TPRX1: variants seen among roughly 807,000 people sequenced by gnomAD.
TPRX1 encodes the protein tetra-peptide repeat homeobox protein 1.
A neutral mutation model predicts 8.1 loss-of-function variants in TPRX1; 2 were observed. The ratio of observed to expected loss-of-function variants is 0.25; its 90% CI spans 0.10 to 0.78. The LOEUF (loss-of-function observed/expected upper bound fraction) is 0.78. Ranked by LOEUF, TPRX1 falls within the 30% of genes least tolerant of loss-of-function variation. The pLI is 0.70. For missense variants in TPRX1, 517 were observed against 586.9 expected (o/e 0.88, Z 1.23); for synonymous variants, 257 against 254.1 (o/e 1.01, Z -0.11).
intron 2 of TPRX1, among the ~76,000 whole-genome samples, chr19:47,816,564 A>G (rs1333028828): frequency 1.0e-4 from 13 of 125,238 alleles, no homozygotes; most frequent in Non-Finnish European, 1.6e-5. Context: ...ATGGAGTCTC[A>G]CGCCGTCGCC....
rs1244244700 is a variant in TPRX1, at chr19:47,802,708, G to A, written c.594C>T (p.Ala198=). ...GGATCTGGGCTGGGCCTGGGATTGG[G>A]GCAGGGATCGGGCCAGGGCCTGGAC... Residue 198 remains alanine (A), a synonymous_variant, in exon 4 of 4, where the codon GCC becomes GCT. Transcript: ENST00000535759. 45 of 1,587,270 alleles carry A rather than the reference G, an allele frequency of 2.8e-5. 1 individual carries two copies. In the South Asian group the frequency reaches 4.9e-4, roughly 17 times the overall value.
chr19:47,802,309 C>CGGGCCTGAGATT, exon 4 of TPRX1: 3 of 1,210,894 alleles, frequency 2.5e-6, no homozygotes, highest in Non-Finnish European at 2.2e-6. Flanking sequence ...GGCCTGGGTT[C>CGGGCCTGAGATT]GGGCCTGAGA....
chr19:47,802,505 C>A, exon 4 of TPRX1: 1 of 1,540,702 alleles, frequency 6.5e-7, no homozygotes, highest in South Asian at 1.2e-5. Flanking sequence ...TGAGAATGGG[C>A]CTGAGATTGG....
chr19:47,801,757 T>C (rs920445721), exon 4 of TPRX1: 1 of 1,595,170 alleles, frequency 6.3e-7, no homozygotes, highest in African/African-American at 1.3e-5. Flanking sequence ...TCTGAAGAAC[T>C]TTGCAGGCAC....
At chr19:47,815,864 T>C (rs1307210378) in intron 2 of TPRX1, among the ~76,000 whole-genome samples, 1 of 151,748 alleles carries the variant, frequency 6.6e-6, no homozygotes, top group Non-Finnish European at 1.5e-5. Context: ...GCAATAGATA[T>C]ATAGTCAATA....
At chr19:47,809,643 C>T (rs1267476103) in intron 2 of TPRX1, among the ~76,000 whole-genome samples, 1 of 152,036 alleles carries the variant, frequency 6.6e-6, no homozygotes, top group Non-Finnish European at 1.5e-5. Context: ...AGAGATGACG[C>T]GGAATGTCTA....
intron 2 of TPRX1, among the ~76,000 whole-genome samples, chr19:47,812,878 G>C (rs1167705250): frequency 6.6e-6 from 1 of 151,950 alleles, no homozygotes; most frequent in Non-Finnish European, 1.5e-5. Flanking sequence ...GGCCGAGGCG[G>C]GTGGATCACT....
chr19:47,801,715 A>C, exon 4 of TPRX1: 1 of 1,542,196 alleles, frequency 6.5e-7, no homozygotes, highest in South Asian at 1.3e-5. Context: ...AGTCACCAGC[A>C]GTGTAGATCA....
At chr19:47,815,140 A>ATATATATATATG (rs1967825117) in intron 2 of TPRX1, among the ~76,000 whole-genome samples, 1 of 102,476 alleles carries the variant, frequency 9.8e-6, no homozygotes, top group African/African-American at 4.0e-5. Context: ...ATATATATAT[A>ATATATATATATG]TATGCAAATA....
exon 4 of TPRX1, chr19:47,802,567 T>C (rs1599949755): frequency 5.8e-6 from 9 of 1,549,772 alleles, no homozygotes; most frequent in Non-Finnish European, 7.9e-6. Flanking sequence ...GGCCACGGAA[T>C]GGGCCTGGGA....
intron 2 of TPRX1, among the ~76,000 whole-genome samples, chr19:47,818,213 C>T (rs1173739753): frequency 6.6e-6 from 1 of 150,838 alleles, no homozygotes; most frequent in African/African-American, 2.4e-5. Flanking sequence ...ATCCATCACC[C>T]ATCCATCCAT....
At chr19:47,815,164 T>TATGCAAATATATATATATATATATA (rs1228376903) in intron 2 of TPRX1, among the ~76,000 whole-genome samples, 557 of 49,698 alleles carry the variant, frequency 0.011, 11 homozygotes, top group South Asian at 0.037. Context: ...ATATATATAT[T>TATGCAAATATATATATATATATATA]TTTTTTTTTT....
intron 2 of TPRX1, among the ~76,000 whole-genome samples, chr19:47,817,611 A>G (rs536137896): frequency 3.3e-5 from 5 of 152,276 alleles, no homozygotes; most frequent in African/African-American, 9.6e-5. Context: ...TTGGCCCCCG[A>G]GCCCCGCTCT....
intron 2 of TPRX1, among the ~76,000 whole-genome samples, chr19:47,809,787 C>T (rs931042446): frequency 7.9e-5 from 12 of 152,074 alleles, no homozygotes; most frequent in Non-Finnish European, 1.3e-4. Context: ...TGCCTTTTCT[C>T]GTCCTGATGT....
In TPRX1 at chr19:47,815,125, T is replaced by TATGCAAATATATATATATATGCAA. The variant is rs1555800015; in HGVS notation, c.151+3342_151+3343insTTGCATATATATATATATTTGCAT. Among the ~76,000 whole-genome samples the TATGCAAATATATATATATATGCAA allele has an allele frequency of 1.0e-3, 101 of 97,354 alleles. 2 individuals carry two copies. The highest frequency in any genetic ancestry group is 1.6e-3 in the Non-Finnish European group (76 of 47,224). The allele number at this position is 97,354 out of a possible 152,430, so 63.9% of individuals were successfully genotyped here. A position where few individuals can be genotyped will look rare whatever the true frequency, so the allele number is the denominator to read the frequency against. On this transcript the variant is annotated intron_variant, in intron 2 of 3. Coordinates refer to ENST00000535759, the Ensembl canonical transcript of TPRX1. ...AATAAATAGATAAATTATATATATA[T>TATGCAAATATATATATATATGCAA]ATATATATATATATATATGCAAATA...
chr19:47,815,162 A>T (rs10404425), intron 2 of TPRX1, among the ~76,000 whole-genome samples: 33,755 of 74,306 alleles, frequency 0.45, 6,064 homozygotes, highest in South Asian at 0.52. Context: ...ATATATATAT[A>T]TTTTTTTTTT....
At chr19:47,806,542 A>C (rs74487661) in intron 2 of TPRX1, among the ~76,000 whole-genome samples, 9,257 of 151,946 alleles carry the variant, frequency 0.061, 363 homozygotes, top group East Asian at 0.17. Flanking sequence ...AACATCCCCC[A>C]AAAAAACCCA....
chr19:47,818,118 C>T (rs11669554), intron 2 of TPRX1, among the ~76,000 whole-genome samples: 57,863 of 152,128 alleles, frequency 0.38, 11,978 homozygotes, highest in East Asian at 0.74. Context: ...AATCACAGAC[C>T]CTTGGTCCTT....
intron 2 of TPRX1, among the ~76,000 whole-genome samples, chr19:47,813,166 A>G (rs377092458): frequency 1.9e-5 from 2 of 107,392 alleles, no homozygotes; most frequent in East Asian, 5.1e-4. Context: ...AACCCCCCCC[A>G]CCCCGCCAAA....
Sources: gnomAD v4.1 joint callset for allele counts (sites outside exome capture counted in the v4.1 genomes callset) on GRCh38, gnomAD v4.1.1 for gene constraint, MANE v1.5 for transcripts, NCBI Gene and HGNC (gene_info 2026-07-23, HGNC 2026-07-21) for gene names.